Variants in PTPN21 observed in about 807,000 individuals in gnomAD.
PTPN21 encodes the protein protein tyrosine phosphatase non-receptor type 21.
Under a neutral mutation model 131.8 loss-of-function variants are expected in PTPN21, and 77 were observed. That is an observed-to-expected ratio of 0.58 (90% CI 0.49 to 0.71). The LOEUF (loss-of-function observed/expected upper bound fraction) is 0.71, where lower values mean the gene tolerates loss of function less well. Among genes scored for constraint, PTPN21 ranks in the 30% least tolerant of loss-of-function variants. The pLI, the probability that PTPN21 is intolerant of heterozygous loss-of-function variation, is 0.00. For missense variants in PTPN21, 1,552 were observed against 1,527.1 expected (o/e 1.02, Z -0.27); for synonymous variants, 715 against 621.3 (o/e 1.15, Z -2.24).
rs749444002 is a variant in PTPN21, at chr14:88,517,128, A to G, written c.314T>C (p.Val105Ala). The G allele has an allele frequency of 7.4e-6, 12 of 1,613,994 alleles. No homozygotes were observed. Among genetic ancestry groups the G allele is most frequent in the Non-Finnish European group, 1.0e-5 (12 of 1,179,984 alleles). ...PTVYFGVVFY[V>A]PSVSQLQQEI... ...CTGCTGCAGCTGAGAAACTGAAGGC[A>G]CATAAAACACCACTCCAAAATAGAC... Residue 105 changes from valine to alanine, a missense_variant, in exon 3 of 19, where the codon GTG becomes GCG. By Grantham distance (64) the Val-to-Ala change is moderately conservative (BLOSUM62 0). Around this residue, in one of 4 missense-constraint regions of PTPN21, gnomAD observed 206 missense variants for 221.6 expected, o/e 0.93. Transcript: ENST00000556564.
intron 2 of PTPN21, among the ~76,000 whole-genome samples, chr14:88,540,975 T>C (rs2078697261): frequency 6.6e-6 from 1 of 152,230 alleles, no homozygotes; most frequent in Non-Finnish European, 1.5e-5. Context: ...TAAGTTGTTT[T>C]TAGATTCACA....
chr14:88,520,174 A>C (rs1227348889), intron 2 of PTPN21, among the ~76,000 whole-genome samples: 2 of 152,198 alleles, frequency 1.3e-5, no homozygotes, highest in Non-Finnish European at 2.9e-5. Flanking sequence ...CCAGCATTTT[A>C]GGAAGCTGAA....
intron 2 of PTPN21, among the ~76,000 whole-genome samples, chr14:88,525,948 CA>C (rs2078468203): frequency 6.6e-6 from 1 of 152,088 alleles, no homozygotes; most frequent in Admixed American, 6.5e-5. Flanking sequence ...AGCCAGAAGA[CA>C]AAAGGTCAAA....
intron 10 of PTPN21, among the ~76,000 whole-genome samples, chr14:88,494,487 A>G (rs2077874353): frequency 1.3e-5 from 2 of 151,952 alleles, no homozygotes; most frequent in South Asian, 4.2e-4. Flanking sequence ...GGGTAACATA[A>G]GGAGATCCTG....
chr14:88,484,337 C>A (rs951893645), intron 12 of PTPN21, among the ~76,000 whole-genome samples: 5 of 151,966 alleles, frequency 3.3e-5, no homozygotes, highest in African/African-American at 1.2e-4. Flanking sequence ...TAGCCCCATA[C>A]AGAGAGAGTA....
In PTPN21 at chr14:88,473,789, G is replaced by C. The variant is rs1465048998; in HGVS notation, c.2525C>G (p.Thr842Ser). The C allele has an allele frequency of 4.4e-6, 7 of 1,606,410 alleles. No homozygotes were observed. The African/African-American group carries it at 5.4e-5, about 12-fold the overall frequency. ...GLPPLGGMKK[T>S]RVDAKKIGPL... is the part of the protein sequence containing the mutation. ...ACCAATTTTTTTTGCATCTACTCGA[G>C]TCTTTTTCATTCCCTGTAAAAGGAT... Residue 842 changes from threonine to serine, a missense_variant, in exon 14 of 19, where the codon ACT (threonine) becomes AGT (serine). This residue lies in a region of PTPN21 where 1,016 missense variants were observed against 883.5 expected (regional missense o/e 1.15). Coordinates refer to ENST00000556564, the MANE Select transcript of PTPN21 (RefSeq NM_007039.4).
intron 2 of PTPN21, among the ~76,000 whole-genome samples, chr14:88,528,933 C>T (rs973390311): frequency 1.5e-4 from 23 of 152,252 alleles, no homozygotes; most frequent in Admixed American, 4.6e-4. Context: ...TGAATAGAGA[C>T]GGTTTGACTT....
intron 2 of PTPN21, among the ~76,000 whole-genome samples, chr14:88,532,095 G>C (rs2078562243): frequency 6.6e-6 from 1 of 151,578 alleles, no homozygotes; most frequent in South Asian, 2.1e-4. Flanking sequence ...AAGTATTGAG[G>C]CTGAAACGGT....
rs1200301633 is a variant in PTPN21, at chr14:88,465,928, T to C, written c.*2209A>G. On this transcript the variant is annotated 3_prime_UTR_variant, in exon 19 of 19. Transcript: ENST00000556564. ...AATTTTGCCCTCAGAAGTTTACTTA[T>C]CAAATTATTACAACAGGAACACAAA... 1 of 151,314 alleles carries C rather than the reference T, an allele frequency of 6.6e-6. No homozygotes were observed. The highest frequency in any genetic ancestry group is 2.5e-5 in the African/African-American group (1 of 40,610). 9.4% of individuals were successfully genotyped at this position (151,314 alleles called of 1,614,324 possible). A position where few individuals can be genotyped will look rare whatever the true frequency, so the allele number is the denominator to read the frequency against.
At chr14:88,509,985 A>G (rs10137803) in intron 3 of PTPN21, among the ~76,000 whole-genome samples, 60,798 of 152,032 alleles carry the variant, frequency 0.4, 13,169 homozygotes, top group African/African-American at 0.58. Flanking sequence ...GCAGTGAGCT[A>G]AGATGGTGCC....
At position 88,466,872 on chromosome 14, in the gene PTPN21, C is replaced by G. The variant is rs1428310704; in HGVS notation, c.*1265G>C. 1 of 152,238 alleles carries G rather than the reference C, an allele frequency of 6.6e-6. No individual in the cohort carries two copies. The highest frequency in any genetic ancestry group is 1.5e-5 in the Non-Finnish European group (1 of 68,052). The allele number at this position is 152,238 out of a possible 1,614,324, so 9.4% of individuals were successfully genotyped here. A position where few individuals can be genotyped will look rare whatever the true frequency, so the allele number is the denominator to read the frequency against. On this transcript the variant is annotated 3_prime_UTR_variant, in exon 19 of 19. Transcript: ENST00000556564. ...GAGAAGAGGTGAAAACTATTATTAACTATTCCCTTCCTTCAACCAAAAGGA... is the reference window on the plus strand; with the variant it reads ...GAGAAGAGGTGAAAACTATTATTAAGTATTCCCTTCCTTCAACCAAAAGGA...
intron 4 of PTPN21, among the ~76,000 whole-genome samples, chr14:88,505,690 A>G (rs1166526860): frequency 6.6e-6 from 1 of 152,190 alleles, no homozygotes; most frequent in Non-Finnish European, 1.5e-5. Flanking sequence ...TGTACAGGAA[A>G]ATGTCAAGGA....
intron 13 of PTPN21, 99 bp from the exon 14 acceptor site, chr14:88,473,901 T>A (rs1201810097): frequency 6.6e-6 from 7 of 1,057,678 alleles, no homozygotes; most frequent in Non-Finnish European, 8.1e-6. Flanking sequence ...ACAGAGGGAG[T>A]GTTCTCCTTT....
chr14:88,529,983 G>GAA (rs1211946748), intron 2 of PTPN21, among the ~76,000 whole-genome samples: 5 of 124,186 alleles, frequency 4.0e-5, no homozygotes, highest in African/African-American at 1.2e-4. Flanking sequence ...ACCATCTCAA[G>GAA]AAAAAAAAAA....
intron 2 of PTPN21, among the ~76,000 whole-genome samples, chr14:88,544,312 C>T (rs897971289): frequency 6.6e-6 from 1 of 151,992 alleles, no homozygotes; most frequent in Non-Finnish European, 1.5e-5. Flanking sequence ...GCCATTTGCA[C>T]TCCAGCCTGG....
intron 3 of PTPN21, among the ~76,000 whole-genome samples, chr14:88,509,651 T>G (rs150756313): frequency 6.6e-6 from 1 of 152,354 alleles, no homozygotes; most frequent in East Asian, 1.9e-4. Flanking sequence ...GAAGCTTATC[T>G]GAGGGAGAGC....
At chr14:88,480,424 C>G in intron 12 of PTPN21, 72 bp from the exon 13 acceptor site, 1 of 1,185,762 alleles carries the variant, frequency 8.4e-7, no homozygotes, top group South Asian at 1.5e-5. Context: ...TGAGATCGGC[C>G]CTTACCTCTG....
intron 13 of PTPN21, among the ~76,000 whole-genome samples, chr14:88,477,576 G>A (rs116932153): frequency 0.014 from 2,123 of 151,032 alleles, 30 homozygotes; most frequent in South Asian, 0.049. Flanking sequence ...TGTTTAGCAA[G>A]ATGTTTGCAG....
intron 13 of PTPN21, 151 bp from the exon 14 acceptor site, chr14:88,473,953 T>C (rs958822577): frequency 3.0e-5 from 18 of 601,974 alleles, no homozygotes; most frequent in South Asian, 4.9e-5. Context: ...ACACACCACT[T>C]GTTTAACAAA....
Sources: allele counts gnomAD v4.1 joint callset (sites outside exome capture counted in the v4.1 genomes callset), GRCh38; gene constraint gnomAD v4.1.1; regional missense constraint gnomAD v4.1.1; transcripts MANE v1.5; gene names NCBI Gene and HGNC (gene_info 2026-07-23, HGNC 2026-07-21).